TAF3: variants seen among roughly 807,000 people sequenced by gnomAD.
The protein encoded by TAF3 is TATA-box binding protein associated factor 3, also known as transcription initiation factor TFIID subunit 3.
A neutral mutation model predicts 80.6 loss-of-function variants in TAF3; 7 were observed. The ratio of observed to expected loss-of-function variants is 0.09; its 90% CI spans 0.05 to 0.16. The LOEUF (loss-of-function observed/expected upper bound fraction) is 0.16, where lower values mean the gene tolerates loss of function less well. Among genes scored for constraint, TAF3 ranks in the 10% least tolerant of loss-of-function variants. The pLI is 1.00. For missense variants in TAF3, 921 were observed against 1,140.2 expected (o/e 0.81, Z 2.77); for synonymous variants, 444 against 446.1 (o/e 1.00, Z 0.06).
intron 3 of TAF3, among the ~76,000 whole-genome samples, chr10:7,971,553 G>A (rs1007967055): frequency 6.6e-6 from 1 of 151,648 alleles, no homozygotes; most frequent in Admixed American, 6.6e-5. Context: ...TACCTTTGCA[G>A]AAAGTCCCTG....
rs1837730859 is a variant in TAF3 at position 7,918,272 on chromosome 10, A to C, written c.410-45648A>C. On this transcript the variant is annotated intron_variant, in intron 2 of 6. Transcript: ENST00000344293. ...AGAATGTATGAAATGGTCTTCATGA[A>C]GAGTGGGAGAGAGAATGATCCAGGG... Among the ~76,000 whole-genome samples, 5 of 152,178 alleles carry C rather than the reference A, an allele frequency of 3.3e-5. No homozygotes were observed. In the South Asian group the frequency reaches 1.0e-3, roughly 32 times the overall value.
At chr10:7,986,525 G>A (rs908778569) in intron 4 of TAF3, among the ~76,000 whole-genome samples, 2 of 152,188 alleles carry the variant, frequency 1.3e-5, no homozygotes, top group Admixed American at 6.5e-5. Context: ...GTCAGACTGG[G>A]TGTCCTGAAA....
At chr10:7,899,708 T>G (rs1401012033) in intron 2 of TAF3, among the ~76,000 whole-genome samples, 1 of 152,208 alleles carries the variant, frequency 6.6e-6, no homozygotes. Context: ...AATAAAATGA[T>G]TTATGTATAT....
intron 2 of TAF3, among the ~76,000 whole-genome samples, chr10:7,958,329 TC>T (rs1166657315): frequency 1.3e-5 from 2 of 152,276 alleles, no homozygotes; most frequent in Admixed American, 6.5e-5. Flanking sequence ...TTTTAAAAAT[TC>T]TAATATTTTT....
chr10:8,010,015 G>C (rs1179533830), intron 5 of TAF3, among the ~76,000 whole-genome samples: 3 of 151,744 alleles, frequency 2.0e-5, no homozygotes, highest in Non-Finnish European at 4.4e-5. Flanking sequence ...AGGCTCAAGC[G>C]ATCCTCCCAC....
intron 2 of TAF3, among the ~76,000 whole-genome samples, chr10:7,886,554 G>C (rs1365595275): frequency 6.6e-6 from 1 of 152,192 alleles, no homozygotes; most frequent in African/African-American, 2.4e-5. Context: ...ATATGACATT[G>C]TGAAGACCTG....
intron 2 of TAF3, among the ~76,000 whole-genome samples, chr10:7,843,841 C>A (rs1287122284): frequency 6.6e-6 from 1 of 151,930 alleles, no homozygotes; most frequent in Non-Finnish European, 1.5e-5. Context: ...TAAATACACT[C>A]TTGTTAGTTA....
intron 2 of TAF3, among the ~76,000 whole-genome samples, chr10:7,864,645 G>A (rs542975092): frequency 1.9e-3 from 286 of 152,050 alleles, no homozygotes; most frequent in Non-Finnish European, 2.4e-3. Flanking sequence ...GGGGTTATAC[G>A]GCTTGTTTGT....
intron 5 of TAF3, among the ~76,000 whole-genome samples, chr10:8,010,932 C>G (rs921564053): frequency 3.3e-5 from 5 of 152,104 alleles, no homozygotes; most frequent in African/African-American, 9.7e-5. Flanking sequence ...ATTGTAAATC[C>G]CACCATGTCC....
intron 4 of TAF3, among the ~76,000 whole-genome samples, chr10:8,001,959 T>C (rs1478869726): frequency 6.6e-6 from 1 of 152,202 alleles, no homozygotes; most frequent in Non-Finnish European, 1.5e-5. Context: ...TAAAACGAAG[T>C]GACAACCAAA....
At chr10:7,914,158 C>T (rs1837683202) in intron 2 of TAF3, among the ~76,000 whole-genome samples, 1 of 152,074 alleles carries the variant, frequency 6.6e-6, no homozygotes, top group Admixed American at 6.5e-5. Flanking sequence ...CATTAATTTG[C>T]TAGGTGTGAT....
chr10:8,016,403 G>A lies in TAF3; in HGVS notation c.*1652G>A, dbSNP rs1174738376. 6.6e-6 allele frequency: 1 copy of A among 152,132 alleles called. No individual in the cohort carries two copies. The allele number at this position is 152,132 out of a possible 1,614,324, so 9.4% of individuals were successfully genotyped here. ...CAGTGGAAATGGAGTCGACCTCTTC[G>A]GAGCACAGGGTGTCATTGCCCTCGT... On this transcript the variant is annotated 3_prime_UTR_variant, in exon 7 of 7. Coordinates refer to ENST00000344293, the MANE Select transcript of TAF3 (RefSeq NM_031923.4).
At chr10:7,821,087 A>G (rs556898300) in intron 1 of TAF3, among the ~76,000 whole-genome samples, 2 of 152,348 alleles carry the variant, frequency 1.3e-5, no homozygotes, top group African/African-American at 4.8e-5. Context: ...GTGACTAGGT[A>G]TTCCAAAGTC....
At chr10:7,885,006 T>G (rs956541062) in intron 2 of TAF3, among the ~76,000 whole-genome samples, 1 of 148,934 alleles carries the variant, frequency 6.7e-6, no homozygotes, top group South Asian at 2.1e-4. Flanking sequence ...TTTTTTTTTT[T>G]AATTTGTAGT....
intron 3 of TAF3, among the ~76,000 whole-genome samples, chr10:7,972,038 G>T (rs1831627903): frequency 6.6e-6 from 1 of 152,174 alleles, no homozygotes; most frequent in Non-Finnish European, 1.5e-5. Flanking sequence ...TCTTCTGTGT[G>T]CCCCAATTCT....
chr10:7,894,676 T>G (rs1837489810), intron 2 of TAF3, among the ~76,000 whole-genome samples: 1 of 152,246 alleles, frequency 6.6e-6, no homozygotes. Context: ...TATGAAAATT[T>G]TATATATGTT....
chr10:7,988,752 G>GAAAA (rs56395044), intron 4 of TAF3, among the ~76,000 whole-genome samples: 6 of 92,840 alleles, frequency 6.5e-5, no homozygotes, highest in African/African-American at 3.1e-4. Context: ...CTGTCTCTCA[G>GAAAA]AAAAAAAAAA....
At chr10:7,956,266 G>A (rs1838134778) in intron 2 of TAF3, among the ~76,000 whole-genome samples, 2 of 152,140 alleles carry the variant, frequency 1.3e-5, no homozygotes, top group South Asian at 4.1e-4. Flanking sequence ...GAGGTGGGCA[G>A]ATCACGAGGT....
chr10:7,861,610 T>C (rs1413858032), intron 2 of TAF3, among the ~76,000 whole-genome samples: 1 of 152,192 alleles, frequency 6.6e-6, no homozygotes, highest in African/African-American at 2.4e-5. Flanking sequence ...TTTAGCACTT[T>C]ACAGATATTT....
Sources: gnomAD v4.1 joint callset for allele counts (sites outside exome capture counted in the v4.1 genomes callset) on GRCh38, gnomAD v4.1.1 for gene constraint, MANE v1.5 for transcripts, NCBI Gene and HGNC (gene_info 2026-07-23, HGNC 2026-07-21) for gene names.